The following PTHLH variants were observed in gnomAD, a reference collection of about 807,000 sequenced individuals.
PTHLH encodes the protein parathyroid hormone like hormone.
In PTHLH, 5 loss-of-function variants were observed where a neutral mutation model predicts 18.6. The observed-to-expected ratio is 0.27, with a 90% confidence interval of 0.14 to 0.56. PTHLH has a LOEUF of 0.56. Among genes scored for constraint, PTHLH ranks in the 20% least tolerant of loss-of-function variants. The pLI, the probability that PTHLH is intolerant of heterozygous loss-of-function variation, is 0.92. For missense variants in PTHLH, 207 were observed against 223.9 expected (o/e 0.92, Z 0.48); for synonymous variants, 90 against 94.0 (o/e 0.96, Z 0.25).
rs1190307939 is a variant in PTHLH, at chr12:27,963,671, G to A, written c.201C>T (p.Ile67=). 4 of 1,613,684 alleles carry A rather than the reference G, an allele frequency of 2.5e-6. No homozygotes were observed. Among genetic ancestry groups the A allele is most frequent in the Non-Finnish European group, 3.4e-6 (4 of 1,179,814 alleles). Residue 67 remains isoleucine, a synonymous_variant, in exon 5 of 6, where the codon ATC becomes ATT. Transcript: ENST00000545234. ...AGGTAGCTCTGATTTCAGCTGTGTG[G>A]ATTTCTGCGATCAGATGGTGAAGGA... The part of the protein sequence containing the change: ...RFFLHHLIAE[I]HTAEIRATSE...
chr12:27,960,538 C>A (rs554340068), intron 5 of PTHLH, among the ~76,000 whole-genome samples: 1 of 151,530 alleles, frequency 6.6e-6, no homozygotes, highest in Non-Finnish European at 1.5e-5. Context: ...GCCAACATGG[C>A]GAAACCCCAT....
chr12:27,963,462 T>G lies in PTHLH; in HGVS notation c.410A>C (p.Glu137Ala), dbSNP rs760655715. Residue 137 changes from glutamate to alanine, a missense_variant, in exon 5 of 6, where the codon GAA becomes GCA. Physicochemically the swap from Glu to Ala is moderately radical, Grantham distance 107. Coordinates refer to ENST00000545234, the MANE Select transcript of PTHLH (RefSeq NM_198965.2). ...KGKPGKRKEQ[E>A]KKKRRTRSAW... The stretch of plus-strand genomic sequence containing the variant: ...AGAGCGAGTTCGCCGTTTTTTCTTT[T>G]CCTGCTCCTTGCGTTTCCCGGGCTT... The G allele has an allele frequency of 1.1e-5, 17 of 1,614,214 alleles. No individual in the cohort carries two copies. The South Asian group carries it at 1.9e-4, about 18-fold the overall frequency.
At chr12:27,960,048 T>C (rs2062741011) in intron 5 of PTHLH, among the ~76,000 whole-genome samples, 1 of 152,240 alleles carries the variant, frequency 6.6e-6, no homozygotes, top group South Asian at 2.1e-4. Context: ...ATCTTCTATG[T>C]ATCTCACCCT....
rs1355118116 is a variant in PTHLH at position 27,959,541 on chromosome 12, G to A, written c.525-973C>T. ...TGTGGTCTATGTATTTGTTCCCAAG[G>A]AAACAACTACAGAATGGAATTTGAT... On this transcript the variant is annotated intron_variant, in intron 5 of 5. Coordinates refer to ENST00000545234, the MANE Select transcript of PTHLH (RefSeq NM_198965.2). 2.0e-5 allele frequency among the ~76,000 whole-genome samples: 3 copies of A among 152,086 alleles called. No individual in the cohort carries two copies. In the East Asian group the frequency reaches 5.8e-4, roughly 29 times the overall value.
chr12:27,963,081 G>T lies in PTHLH; in HGVS notation c.524+267C>A. The T allele has an allele frequency of 4.4e-6, 6 of 1,369,552 alleles. No individual in the cohort carries two copies. The South Asian group carries it at 6.7e-5, about 15-fold the overall frequency. The allele number at this position is 1,369,552 out of a possible 1,614,324, so 84.8% of individuals were successfully genotyped here. A position where few individuals can be genotyped will look rare whatever the true frequency, so the allele number is the denominator to read the frequency against. ...GAATATGAAATTATTTGGTAGAGTG[G>T]TAAAGGATTGATGTTGGGTGACGGT... On this transcript the variant is annotated intron_variant, in intron 5 of 5. Coordinates refer to ENST00000545234, the MANE Select transcript of PTHLH (RefSeq NM_198965.2).
intron 5 of PTHLH, among the ~76,000 whole-genome samples, chr12:27,961,311 A>ACGTATATATATATACG (rs3032442): frequency 9.2e-6 from 1 of 108,722 alleles, no homozygotes; most frequent in Non-Finnish European, 1.9e-5. Context: ...GTATATATAT[A>ACGTATATATATATACG]TATATATATA....
intron 4 of PTHLH, 140 bp from the exon 5 acceptor site, chr12:27,963,910 C>T (rs1257565938): frequency 9.6e-6 from 8 of 836,582 alleles, no homozygotes; most frequent in Middle Eastern, 6.7e-4. Context: ...AAGCTCATTG[C>T]GCAGGGAAGG....
rs2062729364 is a variant in PTHLH at position 27,958,477 on chromosome 12, C to T, written c.*82G>A. 1 of 1,339,554 alleles carries T rather than the reference C, an allele frequency of 7.5e-7. No individual in the cohort carries two copies. Among genetic ancestry groups the T allele is most frequent in the African/African-American group, 1.5e-5 (1 of 67,202 alleles). The allele number at this position is 1,339,554 out of a possible 1,614,324, so 83.0% of individuals were successfully genotyped here. A position where few individuals can be genotyped will look rare whatever the true frequency, so the allele number is the denominator to read the frequency against. ...CCAATGCATTTACAGTATTTACAGACAATAAATATTTCTAATACTTTCCAT... is the reference window on the plus strand; with the variant it reads ...CCAATGCATTTACAGTATTTACAGATAATAAATATTTCTAATACTTTCCAT... On this transcript the variant is annotated 3_prime_UTR_variant, in exon 6 of 6. Transcript: ENST00000545234.
At chr12:27,968,849 T>C (rs1444418079) in intron 4 of PTHLH, among the ~76,000 whole-genome samples, 2 of 152,248 alleles carry the variant, frequency 1.3e-5, no homozygotes, top group Non-Finnish European at 2.9e-5. Context: ...GTCGTGCCAC[T>C]GCAAAGTTGT....
At chr12:27,970,296 A>T (rs1305858309) in intron 2 of PTHLH, 29 bp from the exon 3 acceptor site, 3 of 322,324 alleles carry the variant, frequency 9.3e-6, no homozygotes, top group Non-Finnish European at 1.9e-5. Flanking sequence ...AGTCGCAAAG[A>T]GGTGGCGCCC....
chr12:27,969,713 T>G (rs1463531649), intron 3 of PTHLH, 197 bp from the exon 4 acceptor site: 1 of 750,368 alleles, frequency 1.3e-6, no homozygotes, highest in Admixed American at 1.7e-5. Flanking sequence ...AACTGTGCTT[T>G]CTCCAAACCA....
Position 27,963,643 on chromosome 12 carries a change from C to T in PTHLH, c.229G>A (p.Glu77Lys). 2 of 1,614,014 alleles carry T rather than the reference C, an allele frequency of 1.2e-6. No individual in the cohort carries two copies. The highest frequency in any genetic ancestry group is 1.7e-6 in the Non-Finnish European group (2 of 1,180,002). Residue 77 changes from glutamate to lysine, a missense_variant, in exon 5 of 6, where the codon GAG becomes AAG. Transcript: ENST00000545234. Reference sequence around the variant, plus strand: ...GAGGGCTTGGAGTTAGGGGACACCTCCGAGGTAGCTCTGATTTCAGCTGTG... The same window carrying T: ...GAGGGCTTGGAGTTAGGGGACACCTTCGAGGTAGCTCTGATTTCAGCTGTG... ...IHTAEIRATSEVSPNSKPSPN... is the reference protein window; with the variant it reads ...IHTAEIRATSKVSPNSKPSPN...
intron 4 of PTHLH, chr12:27,969,173 T>A (rs1270259940): frequency 3.4e-6 from 2 of 581,324 alleles, no homozygotes; most frequent in East Asian, 2.8e-5. Context: ...GAAACACACA[T>A]AAAGTCTCTC....
intron 4 of PTHLH, among the ~76,000 whole-genome samples, chr12:27,967,695 A>G (rs938791506): frequency 1.3e-5 from 2 of 152,176 alleles, no homozygotes; most frequent in African/African-American, 4.8e-5. Flanking sequence ...TAACTATGAG[A>G]ATGTTTTGTG....
chr12:27,969,049 T>G, intron 4 of PTHLH: 1 of 304,458 alleles, frequency 3.3e-6, no homozygotes, highest in African/African-American at 2.1e-5. Context: ...TCCTCCGAGT[T>G]TCAGAAGCTT....
chr12:27,962,413 G>T, intron 5 of PTHLH: 1 of 434,636 alleles, frequency 2.3e-6, no homozygotes, highest in Non-Finnish European at 3.1e-6. Context: ...TATGAGGTTG[G>T]TACAATTATA....
chr12:27,958,868 G>A (rs556381362), intron 5 of PTHLH, among the ~76,000 whole-genome samples: 53 of 152,328 alleles, frequency 3.5e-4, no homozygotes, highest in African/African-American at 1.2e-3. Context: ...TTCCAAGACT[G>A]CCAGCTGGCA....
chr12:27,969,787 A>G (rs1416980730), intron 3 of PTHLH: 1 of 636,358 alleles, frequency 1.6e-6, no homozygotes, highest in Admixed American at 1.8e-5. Context: ...CTGAAATAAT[A>G]GCGAAAATAA....
intron 4 of PTHLH, chr12:27,969,173 T>TA (rs907265110): frequency 1.2e-5 from 7 of 581,324 alleles, no homozygotes; most frequent in African/African-American, 9.4e-5. Flanking sequence ...GAAACACACA[T>TA]AAAGTCTCTC....
Sources: allele counts gnomAD v4.1 joint callset (sites outside exome capture counted in the v4.1 genomes callset), GRCh38; gene constraint gnomAD v4.1.1; transcripts MANE v1.5; gene names NCBI Gene and HGNC (gene_info 2026-07-23, HGNC 2026-07-21).